CCDC60: variants seen among roughly 807,000 people sequenced by gnomAD.
The protein encoded by CCDC60 is coiled-coil domain containing 60, also known as coiled-coil domain-containing protein 60.
Under a neutral mutation model 63.5 loss-of-function variants are expected in CCDC60, and 54 were observed. That is an observed-to-expected ratio of 0.85 (90% CI 0.68 to 1.07). CCDC60 has a LOEUF of 1.07. Ranked by LOEUF, CCDC60 falls within the 50% of genes least tolerant of loss-of-function variation. CCDC60 has a pLI of 0.00. For missense variants in CCDC60, 651 were observed against 684.3 expected, an observed-to-expected ratio of 0.95 and a Z score of 0.54; for synonymous variants, 206 against 238.8, an observed-to-expected ratio of 0.86 and a Z score of 1.27.
chr12:119,501,229 G>A (rs1168305011), intron 6 of CCDC60, among the ~76,000 whole-genome samples: 1 of 152,180 alleles, frequency 6.6e-6, no homozygotes, highest in Non-Finnish European at 1.5e-5. Flanking sequence ...CATTACTGTG[G>A]TTATGTAAAT....
intron 1 of CCDC60, among the ~76,000 whole-genome samples, chr12:119,361,133 A>AGGGAGAGGGAGACCATG (rs1043481817): frequency 2.2e-5 from 3 of 133,954 alleles, no homozygotes; most frequent in African/African-American, 5.7e-5. Flanking sequence ...GTGGAAAGAG[A>AGGGAGAGGGAGACCATG]GGGAGAGGGA....
chr12:119,521,668 G>A (rs979866609), intron 9 of CCDC60, among the ~76,000 whole-genome samples: 4 of 152,128 alleles, frequency 2.6e-5, no homozygotes, highest in African/African-American at 9.7e-5. Context: ...GAGTGAGACA[G>A]GCAGACGGGT....
At chr12:119,454,795 AG>A (rs1336900017) in intron 2 of CCDC60, among the ~76,000 whole-genome samples, 2 of 152,212 alleles carry the variant, frequency 1.3e-5, no homozygotes, top group African/African-American at 4.8e-5. Flanking sequence ...TCACATAAAA[AG>A]GGTTTACATT....
At position 119,523,774 on chromosome 12, in the gene CCDC60, G is replaced by C. The variant is rs749147652; in HGVS notation, c.1185G>C (p.Gln395His). ...GGGCCAAGTTTTACAGCGTAGCCCA[G>C]GAGGCTGGCTTCTGCCTGCAGGACA... ...TMRAKFYSVAQEAGFCLQDKM... is the reference protein window; with the variant it reads ...TMRAKFYSVAHEAGFCLQDKM... Residue 395 changes from glutamine to histidine, a missense_variant, in exon 11 of 14, where the codon CAG (glutamine) becomes CAC (histidine). Physicochemically the swap from Gln to His is conservative, Grantham distance 24 (BLOSUM62 0). Coordinates refer to ENST00000327554, the MANE Select transcript of CCDC60 (RefSeq NM_178499.5). The C allele has an allele frequency of 6.2e-7, 1 of 1,614,214 alleles. No individual in the cohort carries two copies. Among genetic ancestry groups the C allele is most frequent in the East Asian group, 2.2e-5 (1 of 44,876 alleles).
At chr12:119,390,611 C>A (rs1353003404) in intron 1 of CCDC60, among the ~76,000 whole-genome samples, 1 of 152,202 alleles carries the variant, frequency 6.6e-6, no homozygotes, top group Non-Finnish European at 1.5e-5. Flanking sequence ...AAGATGAGTT[C>A]TTTGATGACC....
chr12:119,346,832 CTTTT>C (rs71451838), intron 1 of CCDC60, among the ~76,000 whole-genome samples: 21 of 91,110 alleles, frequency 2.3e-4, no homozygotes, highest in Admixed American at 3.4e-4. Flanking sequence ...TTCTTTCTTT[CTTTT>C]TTTTTTGAGA....
Position 119,335,113 on chromosome 12 carries a change from A to T in CCDC60, c.-64A>T. 2 of 1,334,752 alleles carry T rather than the reference A, an allele frequency of 1.5e-6. No individual in the cohort carries two copies. The highest frequency in any genetic ancestry group is 2.6e-5 in the South Asian group (2 of 77,600). The allele number at this position is 1,334,752 out of a possible 1,614,324, so 82.7% of individuals were successfully genotyped here. ...AACTTCTCATACCAGTAACTACTGA[A>T]GTAGAAGATTCTGGAAAAATCCTTG... On this transcript the variant is annotated 5_prime_UTR_variant, in exon 1 of 14. In the 5' UTR this introduces an upstream ATG that the reference lacks. Transcript: ENST00000327554.
At chr12:119,359,131 A>C (rs1194004877) in intron 1 of CCDC60, among the ~76,000 whole-genome samples, 1 of 152,186 alleles carries the variant, frequency 6.6e-6, no homozygotes. Flanking sequence ...AATGTCAGCT[A>C]TTCTGGTGGG....
At chr12:119,465,830 C>T (rs1024423414) in intron 2 of CCDC60, among the ~76,000 whole-genome samples, 6 of 151,990 alleles carry the variant, frequency 3.9e-5, no homozygotes, top group African/African-American at 1.4e-4. Flanking sequence ...GCTCCTTGGG[C>T]TTGTGTTTTC....
At chr12:119,404,338 C>T (rs969469483) in intron 1 of CCDC60, among the ~76,000 whole-genome samples, 1 of 152,102 alleles carries the variant, frequency 6.6e-6, no homozygotes, top group Non-Finnish European at 1.5e-5. Context: ...TGTCCTCCAC[C>T]CTTGCTGGGT....
chr12:119,489,088 A>C (rs977692293), intron 5 of CCDC60, among the ~76,000 whole-genome samples: 1 of 151,864 alleles, frequency 6.6e-6, no homozygotes, highest in East Asian at 1.9e-4. Flanking sequence ...TCTCTTCCCA[A>C]CTCCACATTC....
intron 1 of CCDC60, among the ~76,000 whole-genome samples, chr12:119,382,040 T>G (rs540823601): frequency 4.3e-4 from 66 of 152,144 alleles, no homozygotes; most frequent in Non-Finnish European, 7.8e-4. Context: ...GAGAGAGAGA[T>G]AAGGCGGGGC....
chr12:119,379,856 C>T (rs1017854194), intron 1 of CCDC60, among the ~76,000 whole-genome samples: 3 of 152,106 alleles, frequency 2.0e-5, no homozygotes, highest in Admixed American at 2.0e-4. Context: ...GGATATAAAG[C>T]AAAGCTACCA....
At chr12:119,419,939 C>T (rs560764474) in intron 1 of CCDC60, among the ~76,000 whole-genome samples, 75 of 146,400 alleles carry the variant, frequency 5.1e-4, no homozygotes, top group African/African-American at 1.4e-3. Context: ...TGCAGTGGCA[C>T]GATCTCGGCT....
intron 1 of CCDC60, among the ~76,000 whole-genome samples, chr12:119,341,343 G>A (rs1305984380): frequency 6.6e-6 from 1 of 152,116 alleles, no homozygotes; most frequent in Admixed American, 6.5e-5. Flanking sequence ...CTGCTCTGCA[G>A]GGGGAGGGGA....
chr12:119,533,223 G>A, intron 13 of CCDC60, among the ~76,000 whole-genome samples: 1 of 152,160 alleles, frequency 6.6e-6, no homozygotes, highest in East Asian at 1.9e-4. Flanking sequence ...CTTCTTTTGA[G>A]AAGTGTCTAT....
intron 1 of CCDC60, among the ~76,000 whole-genome samples, chr12:119,350,591 C>CT (rs1186974411): frequency 6.6e-6 from 1 of 152,106 alleles, no homozygotes; most frequent in Non-Finnish European, 1.5e-5. Flanking sequence ...TGGGAAAGCT[C>CT]TTATCAGCAC....
intron 2 of CCDC60, among the ~76,000 whole-genome samples, chr12:119,457,424 A>T (rs1229264435): frequency 6.6e-6 from 1 of 152,252 alleles, no homozygotes; most frequent in Admixed American, 6.5e-5. Context: ...ATCCTGACTC[A>T]GCAAATTTCC....
intron 1 of CCDC60, among the ~76,000 whole-genome samples, chr12:119,387,820 C>T (rs1415091202): frequency 6.6e-6 from 1 of 152,144 alleles, no homozygotes; most frequent in Non-Finnish European, 1.5e-5. Context: ...CCCTAGGTCC[C>T]CTCTGACGCA....
Sources: gnomAD v4.1 joint callset for allele counts (sites outside exome capture counted in the v4.1 genomes callset) on GRCh38, gnomAD v4.1.1 for gene constraint, MANE v1.5 for transcripts, NCBI Gene and HGNC (gene_info 2026-07-23, HGNC 2026-07-21) for gene names.